The following LINGO2 variants were observed in gnomAD, a reference collection of about 807,000 sequenced individuals.
The protein encoded by LINGO2 is leucine-rich repeat and immunoglobulin-like domain-containing nogo receptor-interacting protein 2.
In LINGO2, 14 loss-of-function variants were observed where a neutral mutation model predicts 30.6. The ratio of observed to expected loss-of-function variants is 0.46; its 90% CI spans 0.30 to 0.72. LINGO2 has a LOEUF of 0.72. LINGO2 is among the 30% of genes least tolerant of loss of function. The pLI, the probability that LINGO2 is intolerant of heterozygous loss-of-function variation, is 0.07. For synonymous variants in LINGO2, 317 were observed against 288.5 expected, an observed-to-expected ratio of 1.10 and a Z score of -1.00; for missense variants, 729 against 751.7, an observed-to-expected ratio of 0.97 and a Z score of 0.35.
At chr9:28,863,031 G>A in the LINGO2 span, among the ~76,000 whole-genome samples, 1 of 152,002 alleles carries the variant, frequency 6.6e-6, no homozygotes, top group Non-Finnish European at 1.5e-5. Context: ...ACTGTTTCCA[G>A]AAGAGTAAAT....
At chr9:28,975,626 T>G in the LINGO2 span, among the ~76,000 whole-genome samples, 1 of 152,204 alleles carries the variant, frequency 6.6e-6, no homozygotes, top group African/African-American at 2.4e-5. Flanking sequence ...GGTTTCATTA[T>G]GCAGAATTAT....
At chr9:28,458,910 G>A (rs1014446056) in intron 2 of LINGO2, among the ~76,000 whole-genome samples, 61 of 152,228 alleles carry the variant, frequency 4.0e-4, no homozygotes, top group African/African-American at 1.4e-3. Flanking sequence ...AAAGTAGTAC[G>A]TGCCTATCCT....
intron 4 of LINGO2, among the ~76,000 whole-genome samples, chr9:28,158,217 G>C (rs958667796): frequency 1.3e-5 from 2 of 152,166 alleles, no homozygotes; most frequent in African/African-American, 4.8e-5. Context: ...CTTGCGCAGG[G>C]AAATTCCCCT....
At chr9:28,037,885 C>T (rs1299966779) in intron 4 of LINGO2, among the ~76,000 whole-genome samples, 1 of 152,150 alleles carries the variant, frequency 6.6e-6, no homozygotes, top group Non-Finnish European at 1.5e-5. Flanking sequence ...AGTCCTTTAC[C>T]TGAAGTAACT....
the LINGO2 span, among the ~76,000 whole-genome samples, chr9:28,762,680 T>G: frequency 6.6e-6 from 1 of 152,064 alleles, no homozygotes; most frequent in Non-Finnish European, 1.5e-5. Flanking sequence ...CCCTCTCTTG[T>G]CCCCTTCCCC....
chr9:28,219,197 T>G (rs886808969), intron 4 of LINGO2, among the ~76,000 whole-genome samples: 1 of 152,172 alleles, frequency 6.6e-6, no homozygotes, highest in Non-Finnish European at 1.5e-5. Flanking sequence ...AAGAAGTATT[T>G]GTGGATGTCT....
At chr9:28,410,841 C>T (rs1277835095) in intron 2 of LINGO2, among the ~76,000 whole-genome samples, 4 of 151,978 alleles carry the variant, frequency 2.6e-5, no homozygotes, top group Non-Finnish European at 5.9e-5. Context: ...AATCGTCAGG[C>T]AAAAATTTCA....
chr9:28,800,693 G>A, the LINGO2 span, among the ~76,000 whole-genome samples: 6 of 152,028 alleles, frequency 3.9e-5, no homozygotes, highest in Non-Finnish European at 7.4e-5. Flanking sequence ...CTAGCAGACT[G>A]TAGCTCATCT....
At chr9:28,706,668 T>G in the LINGO2 span, among the ~76,000 whole-genome samples, 2 of 152,138 alleles carry the variant, frequency 1.3e-5, no homozygotes, top group African/African-American at 2.4e-5. Context: ...TTGAAATCTG[T>G]TGAAGTTGGT....
At chr9:29,200,232 T>C in the LINGO2 span, among the ~76,000 whole-genome samples, 2 of 152,004 alleles carry the variant, frequency 1.3e-5, no homozygotes, top group African/African-American at 2.4e-5. Context: ...CTGATTAGAC[T>C]CTGTAACATT....
chr9:29,024,269 T>G, the LINGO2 span, among the ~76,000 whole-genome samples: 1 of 152,090 alleles, frequency 6.6e-6, no homozygotes, highest in East Asian at 1.9e-4. Flanking sequence ...CACTTTAATA[T>G]ATCTATTAAA....
chr9:28,236,054 C>T (rs1821552640), intron 4 of LINGO2, among the ~76,000 whole-genome samples: 1 of 151,874 alleles, frequency 6.6e-6, no homozygotes, highest in African/African-American at 2.4e-5. Context: ...TCCCAAAGGT[C>T]AAGGATAAAG....
intron 4 of LINGO2, among the ~76,000 whole-genome samples, chr9:28,218,922 C>A (rs1820862660): frequency 1.3e-5 from 2 of 152,176 alleles, no homozygotes; most frequent in Admixed American, 6.5e-5. Flanking sequence ...CTGAGTGCCA[C>A]TTATTTCAAA....
At chr9:28,035,211 C>T (rs1343457) in intron 4 of LINGO2, among the ~76,000 whole-genome samples, 95,457 of 152,112 alleles carry the variant, frequency 0.63, 32,192 homozygotes, top group Non-Finnish European at 0.75. Flanking sequence ...ACTGCTAACT[C>T]GGTTGATAAG....
chr9:28,957,487 T>A, the LINGO2 span, among the ~76,000 whole-genome samples: 43 of 152,330 alleles, frequency 2.8e-4, no homozygotes, highest in African/African-American at 9.9e-4. Flanking sequence ...TTCAGCATTC[T>A]CTAGATTCTC....
intron 4 of LINGO2, among the ~76,000 whole-genome samples, chr9:28,277,573 G>C (rs920416920): frequency 6.6e-6 from 1 of 152,102 alleles, no homozygotes; most frequent in African/African-American, 2.4e-5. Context: ...GGAGGCTGAG[G>C]TGGGCAGGTC....
chr9:28,790,392 G>A, the LINGO2 span, among the ~76,000 whole-genome samples: 8 of 140,368 alleles, frequency 5.7e-5, no homozygotes, highest in Admixed American at 2.2e-4. Context: ...GCAGTCGTGC[G>A]ATCTCGGCTC....
chr9:28,796,176 T>C, the LINGO2 span, among the ~76,000 whole-genome samples: 2 of 152,060 alleles, frequency 1.3e-5, no homozygotes, highest in Admixed American at 6.5e-5. Context: ...AACTGATTTA[T>C]TGATAAATTA....
chr9:29,077,387 C>A, the LINGO2 span, among the ~76,000 whole-genome samples: 1 of 151,884 alleles, frequency 6.6e-6, no homozygotes, highest in Admixed American at 6.6e-5. Flanking sequence ...CAGAAAATGT[C>A]CTGAATTTAT....
Sources: gnomAD v4.1 joint callset for allele counts (sites outside exome capture counted in the v4.1 genomes callset) on GRCh38, gnomAD v4.1.1 for gene constraint, MANE v1.5 for transcripts, NCBI Gene and HGNC (gene_info 2026-07-23, HGNC 2026-07-21) for gene names.